RD3: variants seen among roughly 807,000 people sequenced by gnomAD.
The protein encoded by RD3 is RD3 regulator of GUCY2D, also known as protein RD3.
RD3 carries 11 observed loss-of-function variants against 16.9 expected under a neutral mutation model. That is an observed-to-expected ratio of 0.65 (90% CI 0.41 to 1.08). RD3 has a LOEUF of 1.08. Among genes scored for constraint, RD3 ranks in the 50% least tolerant of loss-of-function variants. The pLI, the probability that RD3 is intolerant of heterozygous loss-of-function variation, is 0.00. For synonymous variants in RD3, 116 were observed against 114.8 expected (o/e 1.01, Z -0.07); for missense variants, 274 against 267.4 (o/e 1.02, Z -0.17).
intron 1 of RD3, among the ~76,000 whole-genome samples, chr1:211,483,563 C>T (rs1380844692): frequency 1.3e-5 from 2 of 151,860 alleles, no homozygotes; most frequent in East Asian, 1.9e-4. Flanking sequence ...GAGAGTGGGA[C>T]GAAAGGACGA....
chr1:211,489,720 C>T (rs1164376035), intron 1 of RD3, among the ~76,000 whole-genome samples: 1 of 152,080 alleles, frequency 6.6e-6, no homozygotes, highest in Non-Finnish European at 1.5e-5. Context: ...AATAAAGGAT[C>T]CCCTGGCTTG....
intron 1 of RD3, among the ~76,000 whole-genome samples, chr1:211,482,904 A>G (rs1705305011): frequency 2.0e-5 from 3 of 151,894 alleles, no homozygotes; most frequent in Admixed American, 2.0e-4. Flanking sequence ...ACGCAGAGAA[A>G]AGAGGTCAGA....
chr1:211,479,724 A>G (rs1436428721), intron 2 of RD3, among the ~76,000 whole-genome samples: 1 of 152,176 alleles, frequency 6.6e-6, no homozygotes, highest in East Asian at 1.9e-4. Flanking sequence ...ACTGGCCAGC[A>G]TGATCTTTCT....
chr1:211,489,541 C>A (rs1705441884), intron 1 of RD3, among the ~76,000 whole-genome samples: 1 of 150,864 alleles, frequency 6.6e-6, no homozygotes, highest in Non-Finnish European at 1.5e-5. Flanking sequence ...GGGAAGCACA[C>A]ATATTATTAT....
chr1:211,489,104 A>G (rs1349343642), intron 1 of RD3, among the ~76,000 whole-genome samples: 2 of 152,212 alleles, frequency 1.3e-5, no homozygotes, highest in Non-Finnish European at 2.9e-5. Context: ...ATAAGGGAAT[A>G]ATAAAGGTAC....
At position 211,481,211 on chromosome 1, in the gene RD3, A is replaced by G. The variant is rs2102367771; in HGVS notation, c.205T>C (p.Ser69Pro). ...DYSWLASTPR[S>P]TYDLSPIERL... ...TCAATGGGGCTGAGGTCATAGGTGGACCGGGGTGTGCTGGCCAGCCAGCTG... is the reference window on the plus strand; with the variant it reads ...TCAATGGGGCTGAGGTCATAGGTGGGCCGGGGTGTGCTGGCCAGCCAGCTG... Residue 69 changes from serine (S) to proline (P), a missense_variant, in exon 2 of 3, where the codon TCC (serine) becomes CCC (proline). Ser to Pro is a moderately conservative substitution (Grantham distance 74). Transcript: ENST00000680073. 1 of 1,614,216 alleles carries G rather than the reference A, an allele frequency of 6.2e-7. No individual in the cohort carries two copies. Among genetic ancestry groups the G allele is most frequent in the South Asian group, 1.1e-5 (1 of 91,090 alleles).
At chr1:211,481,699 T>C (rs947727608) in intron 1 of RD3, among the ~76,000 whole-genome samples, 8 of 152,248 alleles carry the variant, frequency 5.3e-5, no homozygotes, top group African/African-American at 1.4e-4. Context: ...CTTGTGATTA[T>C]GATCCTTAAA....
chr1:211,477,884 A>G lies in RD3; in HGVS notation c.*1152T>C. On this transcript the variant is annotated 3_prime_UTR_variant, in exon 3 of 3. Coordinates refer to ENST00000680073, the MANE Select transcript of RD3 (RefSeq NM_001164688.2). ...CACTTCAACCCCAGAGTGTGTGGGA[A>G]GGCCTCCTGGCCTTCCAGATTTTCC... The G allele has an allele frequency of 2.6e-6, 1 of 387,214 alleles. No homozygotes were observed. The highest frequency in any genetic ancestry group is 4.6e-6 in the Non-Finnish European group (1 of 219,560). 24.0% of individuals were successfully genotyped at this position (387,214 alleles called of 1,614,324 possible).
At position 211,478,763 on chromosome 1, in the gene RD3, T is replaced by C; in HGVS notation, c.*273A>G. The C allele has an allele frequency of 2.1e-6, 1 of 483,890 alleles. No homozygotes were observed. Among genetic ancestry groups the C allele is most frequent in the Non-Finnish European group, 3.7e-6 (1 of 273,364 alleles). 30.0% of individuals were successfully genotyped at this position (483,890 alleles called of 1,614,324 possible). A position where few individuals can be genotyped will look rare whatever the true frequency, so the allele number is the denominator to read the frequency against. On this transcript the variant is annotated 3_prime_UTR_variant, in exon 3 of 3. Transcript: ENST00000680073. ...GGCAATGGTCTGTCTTCCAAAACCT[T>C]GAATCTGCCAGTTAGGGAAGGGGCT...
intron 1 of RD3, among the ~76,000 whole-genome samples, chr1:211,490,863 A>G (rs964193603): frequency 1.3e-5 from 2 of 152,066 alleles, no homozygotes; most frequent in African/African-American, 4.8e-5. Context: ...AGGGCCTGAC[A>G]CAAGGGCCCA....
At chr1:211,491,224 G>T (rs148260523) in intron 1 of RD3, among the ~76,000 whole-genome samples, 121 of 152,336 alleles carry the variant, frequency 7.9e-4, no homozygotes, top group African/African-American at 2.9e-3. Flanking sequence ...TGTTATCAGG[G>T]ATGCACAGAC....
chr1:211,483,600 G>A (rs1484785216), intron 1 of RD3, among the ~76,000 whole-genome samples: 1 of 151,896 alleles, frequency 6.6e-6, no homozygotes, highest in African/African-American at 2.4e-5. Flanking sequence ...CCTGGGGTCA[G>A]TAGCAGCTAG....
chr1:211,481,321 T>C lies in RD3; in HGVS notation c.95A>G (p.Glu32Gly). ...AEMVLETLMM[E>G]LTGQMREAER... Reference sequence around the variant, plus strand: ...AGCCTCTCGCATCTGCCCCGTCAGCTCCATCATAAGCGTCTCCAGCACCAT... The same window carrying C: ...AGCCTCTCGCATCTGCCCCGTCAGCCCCATCATAAGCGTCTCCAGCACCAT... The change falls in exon 2 of 3, where the codon GAG (glutamate) becomes GGG (glycine). Residue 32 changes from glutamate (E) to glycine (G), a missense_variant. Coordinates refer to ENST00000680073, the MANE Select transcript of RD3 (RefSeq NM_001164688.2). 1 of 1,614,186 alleles carries C rather than the reference T, an allele frequency of 6.2e-7. No individual in the cohort carries two copies. Among genetic ancestry groups the C allele is most frequent in the East Asian group, 2.2e-5 (1 of 44,888 alleles).
intron 1 of RD3, among the ~76,000 whole-genome samples, chr1:211,486,072 G>A (rs1390243500): frequency 6.6e-6 from 1 of 151,718 alleles, no homozygotes; most frequent in South Asian, 2.1e-4. Context: ...GCTAACTTGA[G>A]CCTGGGAGGT....
At chr1:211,490,958 G>A (rs1045433706) in intron 1 of RD3, among the ~76,000 whole-genome samples, 3 of 152,206 alleles carry the variant, frequency 2.0e-5, no homozygotes, top group Non-Finnish European at 4.4e-5. Context: ...CTGCAAGGGC[G>A]AGAGGAATGT....
chr1:211,490,083 G>T (rs929939105), intron 1 of RD3, among the ~76,000 whole-genome samples: 7 of 152,210 alleles, frequency 4.6e-5, no homozygotes, highest in Non-Finnish European at 5.9e-5. Flanking sequence ...ACCAGCTGTG[G>T]CTCGTTAGCT....
rs1705181056 is a variant in RD3, at chr1:211,478,130, T to C, written c.*906A>G. On this transcript the variant is annotated 3_prime_UTR_variant, in exon 3 of 3. Transcript: ENST00000680073. ...CCCTGGAATTGAGAAACCTGGGCTC[T>C]TTAGGGCAGCATCTGAAGTCCTTGG... 1.0e-5 allele frequency: 4 copies of C among 398,588 alleles called. No homozygotes were observed. The highest frequency in any genetic ancestry group is 1.8e-5 in the Non-Finnish European group (4 of 226,114). 24.7% of individuals were successfully genotyped at this position (398,588 alleles called of 1,614,324 possible).
intron 2 of RD3, 130 bp from the exon 3 acceptor site, chr1:211,479,457 C>G (rs1572140646): frequency 2.4e-6 from 2 of 818,134 alleles, no homozygotes. Flanking sequence ...GCTCCTGAAG[C>G]GAATCAGGAA....
chr1:211,479,705 TCTC>T (rs1347397092), intron 2 of RD3, among the ~76,000 whole-genome samples: 2 of 152,294 alleles, frequency 1.3e-5, no homozygotes, highest in South Asian at 2.1e-4. Context: ...TCCTGTCTCT[TCTC>T]CACCCACTGG....
Sources: gnomAD v4.1 joint callset for allele counts (sites outside exome capture counted in the v4.1 genomes callset) on GRCh38, gnomAD v4.1.1 for gene constraint, MANE v1.5 for transcripts, NCBI Gene and HGNC (gene_info 2026-07-23, HGNC 2026-07-21) for gene names.